VIT: variants seen among roughly 807,000 people sequenced by gnomAD.
VIT encodes the protein vitrin.
A neutral mutation model predicts 78.0 loss-of-function variants in VIT; 99 were observed. The ratio of observed to expected loss-of-function variants is 1.27; its 90% CI spans 1.08 to 1.50. The LOEUF (loss-of-function observed/expected upper bound fraction) is 1.50, where lower values mean the gene tolerates loss of function less well. VIT is among the 40% of genes most tolerant of loss of function. VIT has a pLI of 0.00. For synonymous variants in VIT, 374 were observed against 334.3 expected (o/e 1.12, Z -1.29); for missense variants, 1,126 against 875.3 (o/e 1.29, Z -3.61).
At position 36,709,223 on chromosome 2, in the gene VIT, C is replaced by T. The variant is rs951082751; in HGVS notation, c.-18-7130C>T. ...TTAGAATGAAGATGGAGTAAGTGCA[C>T]GTACTATGAAACAGCTATGGCAAGG... On this transcript the variant is annotated intron_variant, in intron 1 of 15. Coordinates refer to ENST00000379242, the MANE Select transcript of VIT (RefSeq NM_053276.4). 3.2e-4 allele frequency among the ~76,000 whole-genome samples: 48 copies of T among 152,132 alleles called. 1 individual carries two copies. Among genetic ancestry groups the T allele is most frequent in the African/African-American group, 1.1e-3 (46 of 41,406 alleles).
chr2:36,805,818 C>T (rs1167108515), intron 14 of VIT, among the ~76,000 whole-genome samples, 154 bp downstream of exon 14: 1 of 152,110 alleles, frequency 6.6e-6, no homozygotes. Context: ...CAATCCGAAA[C>T]CTGCAATTAC....
chr2:36,804,538 A>C (rs944669328), intron 13 of VIT, among the ~76,000 whole-genome samples: 2 of 152,206 alleles, frequency 1.3e-5, no homozygotes, highest in Admixed American at 1.3e-4. Context: ...TTCTGTTCGC[A>C]TGAAAGTCTT....
intron 15 of VIT, among the ~76,000 whole-genome samples, chr2:36,813,556 T>G (rs1667345271): frequency 6.6e-6 from 1 of 152,160 alleles, no homozygotes; most frequent in East Asian, 1.9e-4. Context: ...TGGAAGCCTT[T>G]CTTCATCACA....
At chr2:36,735,423 G>A (rs937000440) in intron 3 of VIT, among the ~76,000 whole-genome samples, 1 of 152,192 alleles carries the variant, frequency 6.6e-6, no homozygotes, top group Non-Finnish European at 1.5e-5. Flanking sequence ...AATTGCTGGG[G>A]TAGGGGGTGG....
At chr2:36,770,486 G>T (rs1166779343) in intron 7 of VIT, among the ~76,000 whole-genome samples, 1 of 152,152 alleles carries the variant, frequency 6.6e-6, no homozygotes, top group Non-Finnish European at 1.5e-5. Context: ...GCCGCATCAT[G>T]GCCCCTTAAC....
intron 12 of VIT, among the ~76,000 whole-genome samples, chr2:36,793,821 T>A (rs949019954): frequency 3.9e-5 from 6 of 152,188 alleles, no homozygotes; most frequent in Non-Finnish European, 7.3e-5. Flanking sequence ...CAGAGTGTCA[T>A]GGGGTAAACC....
intron 11 of VIT, among the ~76,000 whole-genome samples, chr2:36,786,427 G>A (rs1665098492): frequency 6.6e-6 from 1 of 152,092 alleles, no homozygotes; most frequent in Non-Finnish European, 1.5e-5. Context: ...AAAAGAGCTT[G>A]CAGCCCATCC....
intron 6 of VIT, among the ~76,000 whole-genome samples, chr2:36,764,621 C>T (rs923932168): frequency 2.6e-5 from 4 of 152,174 alleles, no homozygotes; most frequent in East Asian, 3.9e-4. Flanking sequence ...ATTGAAAGAT[C>T]GGTTTCCTAC....
intron 13 of VIT, among the ~76,000 whole-genome samples, chr2:36,804,806 G>C (rs185091917): frequency 1.3e-5 from 2 of 151,464 alleles, no homozygotes; most frequent in East Asian, 3.9e-4. Flanking sequence ...CTCCAGCCTG[G>C]CAACAGAGTG....
chr2:36,703,665 A>G (rs1665214976), intron 1 of VIT, among the ~76,000 whole-genome samples: 1 of 152,200 alleles, frequency 6.6e-6, no homozygotes, highest in African/African-American at 2.4e-5. Context: ...TTAACCTTGT[A>G]ACTAAGACCA....
At chr2:36,779,725 C>A (rs1402869916) in intron 9 of VIT, among the ~76,000 whole-genome samples, 1 of 152,146 alleles carries the variant, frequency 6.6e-6, no homozygotes, top group African/African-American at 2.4e-5. Flanking sequence ...GTATTAGAAC[C>A]AACACTTCTT....
At chr2:36,754,127 G>A (rs1053931882) in intron 4 of VIT, among the ~76,000 whole-genome samples, 1 of 152,162 alleles carries the variant, frequency 6.6e-6, no homozygotes, top group Non-Finnish European at 1.5e-5. Flanking sequence ...CTATGCCACT[G>A]GGAGGTTGAG....
At chr2:36,767,054 G>A (rs750912183) in intron 6 of VIT, 40 bp from the exon 7 acceptor site, 120 of 1,528,738 alleles carry the variant, frequency 7.8e-5, no homozygotes, top group Non-Finnish European at 1.0e-4. Flanking sequence ...GAGTGTACAG[G>A]TTATTTTGTG....
intron 12 of VIT, among the ~76,000 whole-genome samples, chr2:36,798,862 C>T (rs1448139137): frequency 2.0e-5 from 3 of 152,186 alleles, no homozygotes; most frequent in African/African-American, 7.2e-5. Flanking sequence ...CACTGTGTGA[C>T]TCCTCCTCCC....
intron 1 of VIT, among the ~76,000 whole-genome samples, chr2:36,702,001 G>T (rs1558497813): frequency 6.6e-6 from 1 of 152,132 alleles, no homozygotes; most frequent in Non-Finnish European, 1.5e-5. Flanking sequence ...ACAGTAAGAG[G>T]CCTGGTGGTG....
rs1267430341 is a variant in VIT at position 36,805,620 on chromosome 2, G to A, written c.1345G>A (p.Glu449Lys). ...IFFITIEGAA[E>K]NEKQYVVEPN... is the part of the protein sequence containing the mutation. Reference sequence around the variant, plus strand: ...CTTCATCACCATTGAAGGTGCTGCTGAAAATGAGAAGCAGTATGTGGTGGA... The same window carrying A: ...CTTCATCACCATTGAAGGTGCTGCTAAAAATGAGAAGCAGTATGTGGTGGA... Residue 449 changes from glutamate to lysine, a missense_variant, in exon 14 of 16, where the codon GAA becomes AAA. By Grantham distance (56) the Glu-to-Lys change is moderately conservative. Coordinates refer to ENST00000379242, the MANE Select transcript of VIT (RefSeq NM_053276.4). 9.9e-6 allele frequency: 16 copies of A among 1,614,060 alleles called. No homozygotes were observed. Among genetic ancestry groups the A allele is most frequent in the Non-Finnish European group, 1.4e-5 (16 of 1,180,030 alleles).
At chr2:36,730,592 G>A (rs1348177770) in intron 3 of VIT, among the ~76,000 whole-genome samples, 2 of 152,232 alleles carry the variant, frequency 1.3e-5, no homozygotes, top group Admixed American at 1.3e-4. Context: ...ACCCCAGCCG[G>A]TGGTGCCTCA....
intron 1 of VIT, among the ~76,000 whole-genome samples, chr2:36,702,208 T>C (rs1172213634): frequency 6.6e-6 from 1 of 152,038 alleles, no homozygotes; most frequent in Non-Finnish European, 1.5e-5. Context: ...GAACCATGCT[T>C]GGGAGGCCAG....
At position 36,729,494 on chromosome 2, in the gene VIT, A is replaced by T. The variant is rs761607551; in HGVS notation, c.118+3A>T. On this transcript the variant is annotated splice_donor_region_variant and intron_variant, in intron 3 of 15. Transcript: ENST00000379242. ...GAAGATTAAAAGGCCCAAGTTCAGT[A>T]AGTAAAATCACAATTCCTTGCTGGC... The T allele has an allele frequency of 9.9e-6, 16 of 1,609,366 alleles. No individual in the cohort carries two copies. In the Admixed American group the frequency reaches 2.7e-4, roughly 27 times the overall value.
Sources: gnomAD v4.1 joint callset for allele counts (sites outside exome capture counted in the v4.1 genomes callset) on GRCh38, gnomAD v4.1.1 for gene constraint, MANE v1.5 for transcripts, NCBI Gene and HGNC (gene_info 2026-07-23, HGNC 2026-07-21) for gene names.